The following KLHL32 variants were observed in gnomAD, a reference collection of about 807,000 sequenced individuals.
KLHL32 encodes the protein kelch like family member 32, also known as kelch-like protein 32.
A neutral mutation model predicts 64.8 loss-of-function variants in KLHL32; 35 were observed. The observed-to-expected ratio is 0.54, with a 90% confidence interval of 0.41 to 0.72. The LOEUF (loss-of-function observed/expected upper bound fraction) is 0.72, where lower values mean the gene tolerates loss of function less well. Among genes scored for constraint, KLHL32 ranks in the 30% least tolerant of loss-of-function variants. KLHL32 has a pLI of 0.00. For synonymous variants in KLHL32, 259 were observed against 281.0 expected (o/e 0.92, Z 0.78); for missense variants, 589 against 768.5 (o/e 0.77, Z 2.76).
At chr6:96,932,374 C>T (rs142924480) in intron 1 of KLHL32, among the ~76,000 whole-genome samples, 1 of 151,996 alleles carries the variant, frequency 6.6e-6, no homozygotes, top group East Asian at 1.9e-4. Flanking sequence ...TCAAGATCAC[C>T]TACAGATGGG....
At chr6:96,916,991 C>T in the KLHL32 span, among the ~76,000 whole-genome samples, 2 of 152,118 alleles carry the variant, frequency 1.3e-5, no homozygotes, top group East Asian at 3.9e-4. Context: ...AACCCTGAAC[C>T]CTTTCTAGAG....
intron 3 of KLHL32, among the ~76,000 whole-genome samples, chr6:97,015,901 C>A (rs1562245416): frequency 6.6e-6 from 1 of 152,130 alleles, no homozygotes; most frequent in East Asian, 1.9e-4. Flanking sequence ...CTAAAAGGGA[C>A]CAAGGTACAG....
At chr6:96,919,032 A>C in the KLHL32 span, among the ~76,000 whole-genome samples, 1 of 151,842 alleles carries the variant, frequency 6.6e-6, no homozygotes, top group Non-Finnish European at 1.5e-5. Context: ...TGTCCTCCCC[A>C]CCTCTCTTCT....
intron 5 of KLHL32, among the ~76,000 whole-genome samples, chr6:97,080,115 A>AT (rs1386439918): frequency 2.6e-5 from 4 of 152,256 alleles, no homozygotes; most frequent in East Asian, 1.9e-4. Flanking sequence ...GGGTGGATTG[A>AT]TTTTTTTGTC....
intron 4 of KLHL32, among the ~76,000 whole-genome samples, chr6:97,057,516 T>G (rs2128143748): frequency 6.6e-6 from 1 of 152,226 alleles, no homozygotes; most frequent in Non-Finnish European, 1.5e-5. Context: ...GCCACCTGTC[T>G]TCTTTGGTGA....
At chr6:96,964,691 G>A (rs1190269042) in intron 1 of KLHL32, among the ~76,000 whole-genome samples, 1 of 152,026 alleles carries the variant, frequency 6.6e-6, no homozygotes, top group Admixed American at 6.6e-5. Context: ...AAATGTGTTT[G>A]CTAGCAAATT....
At chr6:96,964,507 G>T (rs1342802327) in intron 1 of KLHL32, among the ~76,000 whole-genome samples, 1 of 152,148 alleles carries the variant, frequency 6.6e-6, no homozygotes, top group East Asian at 1.9e-4. Flanking sequence ...CAAAAAATTA[G>T]CAGGGCGTGT....
At chr6:97,060,377 C>T (rs1233948066) in intron 4 of KLHL32, among the ~76,000 whole-genome samples, 3 of 152,102 alleles carry the variant, frequency 2.0e-5, no homozygotes, top group African/African-American at 4.8e-5. Flanking sequence ...ATCTGATGAT[C>T]CAGGAGGATG....
rs534850889 is a variant in KLHL32 at position 97,139,881 on chromosome 6, G to C, written c.*599G>C. On this transcript the variant is annotated 3_prime_UTR_variant, in exon 11 of 11. Coordinates refer to ENST00000369261, the MANE Select transcript of KLHL32 (RefSeq NM_052904.4). ...TTTCACCTTGGTTACTCTGACCTTG[G>C]GTCAGAACCTAACTTTACAGTGCTT... is the stretch of plus-strand genomic sequence containing the variant. 4 of 152,082 alleles carry C rather than the reference G, an allele frequency of 2.6e-5. No individual in the cohort carries two copies. Among genetic ancestry groups the C allele is most frequent in the African/African-American group, 9.6e-5 (4 of 41,500 alleles). 9.4% of individuals were successfully genotyped at this position (152,082 alleles called of 1,614,324 possible). A position where few individuals can be genotyped will look rare whatever the true frequency, so the allele number is the denominator to read the frequency against.
At chr6:97,129,757 C>G (rs1336451874) in intron 8 of KLHL32, among the ~76,000 whole-genome samples, 5 of 152,152 alleles carry the variant, frequency 3.3e-5, no homozygotes, top group Non-Finnish European at 7.3e-5. Flanking sequence ...TGGCACTTGC[C>G]TGTAATCCCA....
intron 5 of KLHL32, among the ~76,000 whole-genome samples, chr6:97,069,681 G>A (rs921393456): frequency 4.6e-5 from 7 of 151,740 alleles, no homozygotes; most frequent in African/African-American, 1.7e-4. Flanking sequence ...ATGTACTGAG[G>A]GATTGAAAGG....
intron 1 of KLHL32, among the ~76,000 whole-genome samples, chr6:96,951,324 G>C (rs1320310412): frequency 6.6e-6 from 1 of 152,078 alleles, no homozygotes; most frequent in Non-Finnish European, 1.5e-5. Flanking sequence ...ATGAATTTGG[G>C]CTGCATTTAC....
intron 2 of KLHL32, among the ~76,000 whole-genome samples, chr6:96,967,846 A>AG (rs990395567): frequency 6.6e-5 from 10 of 152,166 alleles, no homozygotes; most frequent in African/African-American, 1.9e-4. Context: ...TGAGATTTGA[A>AG]GGGGGGCATG....
chr6:97,044,133 G>C (rs1304647406), intron 4 of KLHL32, among the ~76,000 whole-genome samples: 1 of 152,000 alleles, frequency 6.6e-6, no homozygotes, highest in Non-Finnish European at 1.5e-5. Context: ...GGGCTTTTCA[G>C]ATATGGCCTT....
At chr6:96,935,562 C>G (rs973156277) in intron 1 of KLHL32, among the ~76,000 whole-genome samples, 7 of 152,164 alleles carry the variant, frequency 4.6e-5, no homozygotes, top group Non-Finnish European at 8.8e-5. Context: ...TGATTTTGAA[C>G]TTGCAGCCTC....
chr6:96,907,708 C>T, the KLHL32 span, among the ~76,000 whole-genome samples: 2 of 152,252 alleles, frequency 1.3e-5, no homozygotes, highest in Middle Eastern at 3.4e-3. Context: ...TTAACTCGCC[C>T]AGCTCATTTC....
At chr6:97,120,686 T>A (rs1341788198) in intron 7 of KLHL32, among the ~76,000 whole-genome samples, 1 of 152,142 alleles carries the variant, frequency 6.6e-6, no homozygotes, top group Non-Finnish European at 1.5e-5. Context: ...GAGTAAGTAG[T>A]AAGAGAATGC....
intron 4 of KLHL32, among the ~76,000 whole-genome samples, chr6:97,042,301 G>C (rs1785244438): frequency 6.6e-6 from 1 of 152,150 alleles, no homozygotes; most frequent in African/African-American, 2.4e-5. Context: ...GTAAGAGAAA[G>C]ACAGGCAAAT....
At chr6:96,900,241 T>G in the KLHL32 span, among the ~76,000 whole-genome samples, 1 of 152,154 alleles carries the variant, frequency 6.6e-6, no homozygotes, top group South Asian at 2.1e-4. Flanking sequence ...TTACACAGAT[T>G]AAAAATATGT....
Sources: gnomAD v4.1 joint callset for allele counts (sites outside exome capture counted in the v4.1 genomes callset) on GRCh38, gnomAD v4.1.1 for gene constraint, MANE v1.5 for transcripts, NCBI Gene and HGNC (gene_info 2026-07-23, HGNC 2026-07-21) for gene names.